Variants in SLC13A3 observed in about 807,000 individuals in gnomAD.
The protein encoded by SLC13A3 is solute carrier family 13 member 3, also known as Na(+)/dicarboxylate cotransporter 3.
In SLC13A3, 40 loss-of-function variants were observed where a neutral mutation model predicts 59.0. The ratio of observed to expected loss-of-function variants is 0.68; its 90% CI spans 0.53 to 0.88. The LOEUF is 0.88. Among genes scored for constraint, SLC13A3 ranks in the 40% least tolerant of loss-of-function variants. SLC13A3 has a pLI of 0.00. For synonymous variants in SLC13A3, 317 were observed against 330.3 expected, an observed-to-expected ratio of 0.96 and a Z score of 0.44; for missense variants, 699 against 783.2, an observed-to-expected ratio of 0.89 and a Z score of 1.28.
intron 1 of SLC13A3, among the ~76,000 whole-genome samples, chr20:46,666,218 G>A (rs8116437): frequency 0.013 from 1,987 of 152,312 alleles, 58 homozygotes; most frequent in African/African-American, 0.044. Flanking sequence ...GTCACAGAAA[G>A]TGAAAGTTAT....
At chr20:46,614,242 C>T (rs1317047805) in intron 1 of SLC13A3, among the ~76,000 whole-genome samples, 3 of 152,070 alleles carry the variant, frequency 2.0e-5, no homozygotes, top group African/African-American at 7.2e-5. Context: ...ACTGTGGACA[C>T]CTGAAGCTCA....
chr20:46,569,164 T>A (rs958431684), intron 10 of SLC13A3, among the ~76,000 whole-genome samples: 2 of 150,844 alleles, frequency 1.3e-5, no homozygotes, highest in Non-Finnish European at 3.0e-5. Context: ...TTTTTAAGTG[T>A]TTTTTTTTGT....
chr20:46,595,501 T>C (rs925587583), intron 5 of SLC13A3, among the ~76,000 whole-genome samples: 17 of 152,198 alleles, frequency 1.1e-4, no homozygotes, highest in African/African-American at 3.9e-4. Flanking sequence ...CTGCTTATGG[T>C]TGGAAGGCTT....
At chr20:46,675,385 A>G (rs1156474203) in intron 1 of SLC13A3, among the ~76,000 whole-genome samples, 1 of 140,978 alleles carries the variant, frequency 7.1e-6, no homozygotes, top group African/African-American at 2.7e-5. Context: ...GCATGCTGCC[A>G]CGCCCAGCTA....
At chr20:46,574,845 T>C (rs961763269) in intron 10 of SLC13A3, among the ~76,000 whole-genome samples, 4 of 150,610 alleles carry the variant, frequency 2.7e-5, no homozygotes, top group African/African-American at 9.7e-5. Context: ...TTTTCTTTTT[T>C]TTTTTTCTTA....
chr20:46,595,877 C>T (rs1340526421), intron 5 of SLC13A3, among the ~76,000 whole-genome samples: 1 of 152,050 alleles, frequency 6.6e-6, no homozygotes, highest in African/African-American at 2.4e-5. Context: ...ACTAGCACCC[C>T]ACTCTCCTCA....
intron 1 of SLC13A3, among the ~76,000 whole-genome samples, chr20:46,649,156 G>A (rs1228810650): frequency 1.3e-5 from 2 of 152,072 alleles, no homozygotes; most frequent in East Asian, 3.9e-4. Flanking sequence ...CTAGCACATG[G>A]TAAGAGCTAA....
At chr20:46,654,520 T>C (rs1028550103), upstream of SLC13A3, among the ~76,000 whole-genome samples, 1 of 152,204 alleles carries the variant, frequency 6.6e-6, no homozygotes, top group African/African-American at 2.4e-5. Flanking sequence ...TTCCTTCAGC[T>C]ATCAGGTATA....
chr20:46,639,736 C>T (rs1343136618), intron 1 of SLC13A3, among the ~76,000 whole-genome samples: 1 of 152,226 alleles, frequency 6.6e-6, no homozygotes, highest in Non-Finnish European at 1.5e-5. Context: ...GTTTGGGTTT[C>T]CAATGAGGCA....
chr20:46,588,772 G>A (rs753081306), intron 7 of SLC13A3, among the ~76,000 whole-genome samples: 2 of 152,170 alleles, frequency 1.3e-5, no homozygotes, highest in Non-Finnish European at 1.5e-5. Context: ...CAGGACATGA[G>A]TGGCACAGCT....
intron 1 of SLC13A3, among the ~76,000 whole-genome samples, chr20:46,622,621 CGTGTGT>C (rs11469544): frequency 0.11 from 14,662 of 133,906 alleles, 744 homozygotes; most frequent in Non-Finnish European, 0.12. Context: ...GTGGTGTGTG[CGTGTGT>C]GTGTGTGTGT....
At chr20:46,625,528 G>A (rs2062659425) in intron 1 of SLC13A3, among the ~76,000 whole-genome samples, 1 of 152,144 alleles carries the variant, frequency 6.6e-6, no homozygotes, top group Non-Finnish European at 1.5e-5. Context: ...TAAAAGTTCT[G>A]ACAAATGGTC....
At chr20:46,627,674 T>G (rs2062689104) in intron 1 of SLC13A3, among the ~76,000 whole-genome samples, 1 of 152,150 alleles carries the variant, frequency 6.6e-6, no homozygotes, top group Non-Finnish European at 1.5e-5. Context: ...GTCACCAATT[T>G]ATGACCTCTC....
At chr20:46,568,209 C>A (rs1005629103) in intron 10 of SLC13A3, among the ~76,000 whole-genome samples, 6 of 151,478 alleles carry the variant, frequency 4.0e-5, no homozygotes, top group African/African-American at 1.5e-4. Context: ...GACTGGCTAA[C>A]ATGGTGAAAC....
At chr20:46,604,269 G>A (rs1245135118) in intron 3 of SLC13A3, among the ~76,000 whole-genome samples, 4 of 152,192 alleles carry the variant, frequency 2.6e-5, no homozygotes, top group Non-Finnish European at 1.5e-5. Flanking sequence ...CCAGCCTCCA[G>A]TCCAGATCCT....
Position 46,622,621 on chromosome 20 carries a change from C to T in SLC13A3, c.112-8896G>A, listed in dbSNP as rs13039529. ...AACAGGAATTGGTGTGTGGTGTGTGCGTGTGTGTGTGTGTGTGTGTGTGTG... is the reference window on the plus strand; with the variant it reads ...AACAGGAATTGGTGTGTGGTGTGTGTGTGTGTGTGTGTGTGTGTGTGTGTG... On this transcript the variant is annotated intron_variant, in intron 1 of 12. Coordinates refer to ENST00000279027, the MANE Select transcript of SLC13A3 (RefSeq NM_022829.6). 5.4e-3 allele frequency among the ~76,000 whole-genome samples: 725 copies of T among 134,112 alleles called. 4 individuals carry two copies. Among genetic ancestry groups the T allele is most frequent in the South Asian group, 7.9e-3 (31 of 3,920 alleles). The allele number at this position is 134,112 out of a possible 152,430, so 88.0% of individuals were successfully genotyped here. A position where few individuals can be genotyped will look rare whatever the true frequency, so the allele number is the denominator to read the frequency against.
intron 1 of SLC13A3, among the ~76,000 whole-genome samples, chr20:46,624,661 C>T (rs1476313401): frequency 1.3e-5 from 2 of 152,154 alleles, no homozygotes; most frequent in East Asian, 3.8e-4. Context: ...TTGGGATATA[C>T]TTATAGTTTA....
At chr20:46,589,129 C>T in intron 7 of SLC13A3, 31 bp downstream of exon 7, 2 of 1,592,518 alleles carry the variant, frequency 1.3e-6, no homozygotes, top group Non-Finnish European at 1.7e-6. Flanking sequence ...TAATACTCAG[C>T]TCTTTCCTTA....
intron 1 of SLC13A3, among the ~76,000 whole-genome samples, chr20:46,640,931 C>T (rs1169932689): frequency 6.6e-6 from 1 of 152,186 alleles, no homozygotes; most frequent in Non-Finnish European, 1.5e-5. Flanking sequence ...AGCCTGTTTA[C>T]ACACCTGGCA....
Sources: allele counts gnomAD v4.1 joint callset (sites outside exome capture counted in the v4.1 genomes callset), GRCh38; gene constraint gnomAD v4.1.1; transcripts MANE v1.5; gene names NCBI Gene and HGNC (gene_info 2026-07-23, HGNC 2026-07-21).